ANKMY1: variants seen among roughly 807,000 people sequenced by gnomAD.
ANKMY1 encodes ankyrin repeat and MYND domain-containing protein 1.
A neutral mutation model predicts 102.0 loss-of-function variants in ANKMY1; 98 were observed. The observed-to-expected ratio is 0.96, with a 90% confidence interval of 0.82 to 1.14. The LOEUF is 1.14. Ranked by LOEUF, ANKMY1 falls within the 50% of genes most tolerant of loss-of-function variation. ANKMY1 has a pLI of 0.00. For synonymous variants in ANKMY1, 582 were observed against 559.9 expected, an observed-to-expected ratio of 1.04 and a Z score of -0.56; for missense variants, 1,330 against 1,347.6, an observed-to-expected ratio of 0.99 and a Z score of 0.20.
chr2:240,527,377 G>C (rs2083807938), intron 5 of ANKMY1: 1 of 151,938 alleles, frequency 6.6e-6, no homozygotes, highest in African/African-American at 2.4e-5. Flanking sequence ...TGTTGCATGG[G>C]TAGACTGATG....
chr2:240,556,433 C>G (rs775707601), intron 2 of ANKMY1, among the ~76,000 whole-genome samples: 1 of 152,202 alleles, frequency 6.6e-6, no homozygotes, highest in Middle Eastern at 3.2e-3. Context: ...AGCCCGCTCC[C>G]ACCAGTTACT....
chr2:240,552,816 A>C, intron 4 of ANKMY1, 98 bp downstream of exon 4: 3 of 1,577,440 alleles, frequency 1.9e-6, no homozygotes, highest in Non-Finnish European at 2.6e-6. Context: ...TTGTAGCTAA[A>C]CAAATAAACT....
At chr2:240,526,800 C>A in intron 5 of ANKMY1, 1 of 1,214,248 alleles carries the variant, frequency 8.2e-7, no homozygotes, top group South Asian at 1.7e-5. Context: ...GACCAACATA[C>A]ATGTGGTTCC....
At chr2:240,474,476 C>T (rs965653766), downstream of ANKMY1, among the ~76,000 whole-genome samples, 4 of 151,956 alleles carry the variant, frequency 2.6e-5, no homozygotes, top group African/African-American at 9.7e-5. Context: ...TAGGTAAACT[C>T]GTGTCATGGG....
chr2:240,557,102 G>C (rs1385066468), intron 2 of ANKMY1, 88 bp downstream of exon 2: 1 of 1,344,986 alleles, frequency 7.4e-7, no homozygotes, highest in Admixed American at 2.9e-5. Flanking sequence ...ACAGTTCAGG[G>C]ATTTTTACTG....
At position 240,552,977 on chromosome 2, in the gene ANKMY1, G is replaced by C; in HGVS notation, c.417C>G (p.Gly139=). 1 of 1,612,904 alleles carries C rather than the reference G, an allele frequency of 6.2e-7. No individual in the cohort carries two copies. The highest frequency in any genetic ancestry group is 1.1e-5 in the South Asian group (1 of 90,948). ...YMWPDGSSFT[G]TFYLSHREGY... is the part of the protein sequence containing the mutation. ...CTTCTCGGTGGCTGAGGTAAAATGT[G>C]CCCGTGAAACTGGAGCCATCTGGCC... The change falls in exon 4 of 18, where the codon GGC becomes GGG. Residue 139 remains glycine, a synonymous_variant. Coordinates refer to ENST00000401804, the MANE Select transcript of ANKMY1 (RefSeq NM_001282771.3).
chr2:240,530,637 C>T (rs1218080565), intron 4 of ANKMY1, among the ~76,000 whole-genome samples: 4 of 152,190 alleles, frequency 2.6e-5, no homozygotes, highest in African/African-American at 9.7e-5. Context: ...TTCTTTGCGG[C>T]AACGTGAGAA....
In ANKMY1 at chr2:240,557,194, TG is replaced by T; in HGVS notation, c.141del (p.Thr48GlnfsTer19). On this transcript the variant is annotated frameshift_variant, in exon 2 of 18. Transcript: ENST00000401804. LOFTEE classifies it high-confidence loss of function. ...CCGCTGGAGGGTCCCCCGCACCTTG[TG>T]GCGAAGACAGCGTAGTTCTTCAGGG... ...PGSLKNYAVFATRDVSAAPEK... is the reference protein window; with the variant it reads ...PGSLKNYAVFXTRDVSAAPEK... 1 of 1,527,454 alleles carries T rather than the reference TG, an allele frequency of 6.5e-7. No homozygotes were observed. Among genetic ancestry groups the T allele is most frequent in the South Asian group, 1.2e-5 (1 of 81,660 alleles). 94.6% of individuals were successfully genotyped at this position (1,527,454 alleles called of 1,614,324 possible).
chr2:240,537,623 C>A (rs745909812), intron 4 of ANKMY1, among the ~76,000 whole-genome samples: 8 of 152,222 alleles, frequency 5.3e-5, no homozygotes, highest in Non-Finnish European at 8.8e-5. Flanking sequence ...GTCCCACTCC[C>A]AAGTATCTTC....
intron 15 of ANKMY1, among the ~76,000 whole-genome samples, chr2:240,484,282 C>T (rs944951163): frequency 3.3e-5 from 5 of 152,166 alleles, no homozygotes; most frequent in East Asian, 1.9e-4. Context: ...GGAGGCATTA[C>T]GCTACCTGAC....
At chr2:240,534,508 G>A (rs547887325) in intron 4 of ANKMY1, among the ~76,000 whole-genome samples, 1 of 152,034 alleles carries the variant, frequency 6.6e-6, no homozygotes, top group South Asian at 2.1e-4. Flanking sequence ...AGGCTGAGGT[G>A]GGAGGATCAC....
rs1197569719 is a variant in ANKMY1 at position 240,546,332 on chromosome 2, G to C, written c.480+6582C>G. Among the ~76,000 whole-genome samples the C allele has an allele frequency of 9.1e-4, 138 of 152,152 alleles. 2 individuals are homozygous for C. The East Asian group carries it at 0.025, about 28-fold the overall frequency. Reference sequence around the variant, plus strand: ...TGCTGAGAGATTTTGTCACCACCAGGCCTGCCCTAAAAGAGCTCCTGAAGG... The same window carrying C: ...TGCTGAGAGATTTTGTCACCACCAGCCCTGCCCTAAAAGAGCTCCTGAAGG... On this transcript the variant is annotated intron_variant, in intron 4 of 17. Transcript: ENST00000401804.
At chr2:240,549,108 C>T (rs2091017119) in intron 4 of ANKMY1, among the ~76,000 whole-genome samples, 5 of 151,796 alleles carry the variant, frequency 3.3e-5, no homozygotes, top group East Asian at 3.9e-4. Flanking sequence ...TACCTGACTT[C>T]AAACTATACT....
intron 5 of ANKMY1, 55 bp from the exon 6 acceptor site, chr2:240,526,500 G>C (rs1174050648): frequency 1.2e-6 from 2 of 1,608,186 alleles, no homozygotes; most frequent in Non-Finnish European, 1.7e-6. Flanking sequence ...CCTCCCACGA[G>C]AAAGGGTCCA....
At chr2:240,516,149 G>GT (rs201692263) in intron 9 of ANKMY1, among the ~76,000 whole-genome samples, 47 of 100,342 alleles carry the variant, frequency 4.7e-4, no homozygotes, top group South Asian at 3.7e-3. Flanking sequence ...GTTTTTGTGG[G>GT]GTTTTTTTTT....
intron 4 of ANKMY1, among the ~76,000 whole-genome samples, chr2:240,549,579 C>T (rs2091127059): frequency 6.6e-6 from 1 of 152,096 alleles, no homozygotes; most frequent in South Asian, 2.1e-4. Flanking sequence ...AAACAGGCAA[C>T]CTACAAAATG....
chr2:240,498,697 C>G (rs996137662), intron 15 of ANKMY1, among the ~76,000 whole-genome samples: 17 of 152,026 alleles, frequency 1.1e-4, no homozygotes, highest in African/African-American at 3.9e-4. Context: ...ACTGTGGGCC[C>G]CCCTGTGGGA....
chr2:240,524,923 C>T (rs2083051261), intron 7 of ANKMY1, among the ~76,000 whole-genome samples: 1 of 152,186 alleles, frequency 6.6e-6, no homozygotes, highest in African/African-American at 2.4e-5. Context: ...GGACCAGTGG[C>T]ATCAGTGAAA....
intron 15 of ANKMY1, 122 bp from the exon 16 acceptor site, chr2:240,482,383 G>A: frequency 1.2e-6 from 1 of 841,568 alleles, no homozygotes; most frequent in Non-Finnish European, 1.8e-6. Context: ...GCGGATAGGG[G>A]GAAGCAAGCC....
Sources: allele counts gnomAD v4.1 joint callset (sites outside exome capture counted in the v4.1 genomes callset), GRCh38; gene constraint gnomAD v4.1.1; transcripts MANE v1.5; gene names NCBI Gene and HGNC (gene_info 2026-07-23, HGNC 2026-07-21).